DIAPH3: variants seen among roughly 807,000 people sequenced by gnomAD.
DIAPH3 encodes the protein protein diaphanous homolog 3.
A neutral mutation model predicts 144.3 loss-of-function variants in DIAPH3; 117 were observed. The observed-to-expected ratio is 0.81, with a 90% CI of 0.70 to 0.95. DIAPH3 has a LOEUF of 0.95. Ranked by LOEUF, DIAPH3 falls within the 40% of genes least tolerant of loss-of-function variation. The pLI, the probability that DIAPH3 is intolerant of heterozygous loss-of-function variation, is 0.00. For missense variants in DIAPH3, 1,421 were observed against 1,412.7 expected, an observed-to-expected ratio of 1.01 and a Z score of -0.09; for synonymous variants, 519 against 488.9, an observed-to-expected ratio of 1.06 and a Z score of -0.81.
intron 2 of DIAPH3, among the ~76,000 whole-genome samples, chr13:60,122,143 T>C (rs1258856166): frequency 1.3e-5 from 2 of 152,198 alleles, no homozygotes; most frequent in Admixed American, 1.3e-4. Context: ...GATCTGAACA[T>C]ATTTCCTCTC....
chr13:59,977,435 C>T (rs1229499781), intron 14 of DIAPH3, among the ~76,000 whole-genome samples: 1 of 151,760 alleles, frequency 6.6e-6, no homozygotes, highest in African/African-American at 2.4e-5. Flanking sequence ...AGGAATTTTG[C>T]AATAAGCCAA....
At chr13:59,758,043 T>C (rs911109509) in intron 27 of DIAPH3, among the ~76,000 whole-genome samples, 2 of 152,186 alleles carry the variant, frequency 1.3e-5, no homozygotes, top group African/African-American at 2.4e-5. Flanking sequence ...ATATTATCCA[T>C]AGAAGAAATG....
At chr13:60,017,234 T>C (rs757203778) in intron 5 of DIAPH3, among the ~76,000 whole-genome samples, 5 of 151,922 alleles carry the variant, frequency 3.3e-5, no homozygotes, top group Admixed American at 6.6e-5. Context: ...TGAAACCCCA[T>C]CTCTACTAAA....
At chr13:60,083,317 TA>T (rs2057627152) in intron 4 of DIAPH3, among the ~76,000 whole-genome samples, 1 of 152,116 alleles carries the variant, frequency 6.6e-6, no homozygotes, top group South Asian at 2.1e-4. Flanking sequence ...ATCAAGCATT[TA>T]TCCTAAATTT....
chr13:59,931,659 C>A (rs1183888020), intron 17 of DIAPH3, among the ~76,000 whole-genome samples: 3 of 152,016 alleles, frequency 2.0e-5, no homozygotes, highest in Admixed American at 2.0e-4. Flanking sequence ...CATGTGGTCA[C>A]TTGTGTGTAT....
chr13:60,162,783 A>ACTCT (rs148955859), intron 1 of DIAPH3, among the ~76,000 whole-genome samples: 6,135 of 132,380 alleles, frequency 0.046, 291 homozygotes, highest in Admixed American at 0.13. Flanking sequence ...CAAATGCTGT[A>ACTCT]CTCTCTCTCT....
intron 21 of DIAPH3, among the ~76,000 whole-genome samples, chr13:59,871,158 A>T (rs2140000790): frequency 7.0e-6 from 1 of 142,940 alleles, no homozygotes; most frequent in East Asian, 2.2e-4. Flanking sequence ...ATAATTGCTT[A>T]ACAGTTCCAG....
At chr13:59,850,328 T>C (rs1209157139) in intron 22 of DIAPH3, among the ~76,000 whole-genome samples, 27 of 150,732 alleles carry the variant, frequency 1.8e-4, no homozygotes, top group Admixed American at 6.6e-4. Flanking sequence ...TCCTGCCTGA[T>C]TGGCCTGGCC....
intron 1 of DIAPH3, chr13:60,147,339 A>G (rs1011774012): frequency 6.6e-6 from 1 of 152,216 alleles, no homozygotes. Flanking sequence ...GACAAAACAA[A>G]AAAAAGGTAA....
At chr13:59,773,586 T>C (rs190637527) in intron 27 of DIAPH3, among the ~76,000 whole-genome samples, 2 of 152,246 alleles carry the variant, frequency 1.3e-5, no homozygotes, top group African/African-American at 4.8e-5. Context: ...CAACATGAAA[T>C]GGTACCCTGA....
At chr13:60,060,618 T>A (rs776218548) in intron 4 of DIAPH3, among the ~76,000 whole-genome samples, 9 of 152,158 alleles carry the variant, frequency 5.9e-5, no homozygotes, top group Non-Finnish European at 7.4e-5. Context: ...TGCTTATACT[T>A]CATCCTCTTT....
At chr13:59,854,675 CA>C (rs775827287) in intron 22 of DIAPH3, among the ~76,000 whole-genome samples, 2 of 152,112 alleles carry the variant, frequency 1.3e-5, no homozygotes, top group Non-Finnish European at 2.9e-5. Context: ...TTTACAGCCA[CA>C]AGTGTAAGAG....
intron 21 of DIAPH3, among the ~76,000 whole-genome samples, chr13:59,870,251 T>C (rs1390219053): frequency 2.0e-5 from 3 of 152,130 alleles, no homozygotes; most frequent in Non-Finnish European, 4.4e-5. Flanking sequence ...CTTTGTTCCT[T>C]TGTCAAAATC....
At chr13:59,926,995 G>A (rs2047782272) in intron 17 of DIAPH3, among the ~76,000 whole-genome samples, 1 of 152,040 alleles carries the variant, frequency 6.6e-6, no homozygotes. Flanking sequence ...TTAAAAATCT[G>A]GGTGTTCTGG....
intron 27 of DIAPH3, among the ~76,000 whole-genome samples, chr13:59,723,388 G>A (rs529120112): frequency 6.6e-6 from 1 of 152,170 alleles, no homozygotes; most frequent in East Asian, 1.9e-4. Flanking sequence ...CTCCTGCTAC[G>A]CATCCATCCA....
intron 2 of DIAPH3, among the ~76,000 whole-genome samples, chr13:60,114,656 C>T (rs1405128293): frequency 2.0e-5 from 3 of 151,458 alleles, no homozygotes; most frequent in Non-Finnish European, 4.4e-5. Flanking sequence ...CACACACACA[C>T]ACACACACAC....
intron 5 of DIAPH3, among the ~76,000 whole-genome samples, chr13:60,016,884 C>T (rs774472581): frequency 2.6e-5 from 4 of 152,134 alleles, no homozygotes; most frequent in Non-Finnish European, 5.9e-5. Context: ...TGTCACTAGA[C>T]AACAGCTTGC....
intron 20 of DIAPH3, among the ~76,000 whole-genome samples, chr13:59,905,565 C>T (rs1281671802): frequency 1.3e-5 from 2 of 152,046 alleles, no homozygotes; most frequent in African/African-American, 2.4e-5. Flanking sequence ...GGCAAAATAA[C>T]GGTCCCTCAA....
chr13:60,018,669 A>T (rs1306025383), intron 5 of DIAPH3, among the ~76,000 whole-genome samples: 1 of 152,172 alleles, frequency 6.6e-6, no homozygotes, highest in East Asian at 1.9e-4. Flanking sequence ...GAGGCATTAA[A>T]CCAAATCACT....
Sources: allele counts gnomAD v4.1 joint callset (sites outside exome capture counted in the v4.1 genomes callset), GRCh38; gene constraint gnomAD v4.1.1; transcripts MANE v1.5; gene names NCBI Gene and HGNC (gene_info 2026-07-23, HGNC 2026-07-21).